RNF157: variants seen among roughly 807,000 people sequenced by gnomAD.
RNF157 encodes the protein ring finger protein 157, also known as E3 ubiquitin ligase RNF157.
Under a neutral mutation model 88.3 loss-of-function variants are expected in RNF157, and 55 were observed. The ratio of observed to expected loss-of-function variants is 0.62; its 90% CI spans 0.50 to 0.78. RNF157 has a LOEUF of 0.78. Ranked by LOEUF, RNF157 falls within the 30% of genes least tolerant of loss-of-function variation. The pLI, the probability that RNF157 is intolerant of heterozygous loss-of-function variation, is 0.00. For synonymous variants in RNF157, 334 were observed against 341.2 expected, an observed-to-expected ratio of 0.98 and a Z score of 0.23; for missense variants, 788 against 860.8, an observed-to-expected ratio of 0.92 and a Z score of 1.06.
intron 1 of RNF157, among the ~76,000 whole-genome samples, chr17:76,213,740 C>A (rs934744859): frequency 1.3e-5 from 2 of 152,026 alleles, no homozygotes; most frequent in East Asian, 1.9e-4. Context: ...TCAGCCCATC[C>A]CCCAACCACT....
At position 76,160,323 on chromosome 17, in the gene RNF157, G is replaced by T. The variant is rs1185877063; in HGVS notation, c.1066-750C>A. Among the ~76,000 whole-genome samples the T allele has an allele frequency of 6.6e-6, 1 of 151,222 alleles. No individual in the cohort carries two copies. The highest frequency in any genetic ancestry group is 6.6e-5 in the Admixed American group (1 of 15,170). On this transcript the variant is annotated intron_variant, in intron 11 of 18. Coordinates refer to ENST00000269391, the MANE Select transcript of RNF157 (RefSeq NM_052916.3). This position sits in a 1 kb window ranked among gnomAD's most constrained non-coding sequence, Gnocchi z 4.3. ...GTTATTAAATTATTAGCTCTTAGAT[G>T]ATGAGGTATAAATGTTTTTAAGGCC...
At chr17:76,158,614 G>C (rs1045615287) in intron 12 of RNF157, 113 bp from the exon 13 acceptor site, 4 of 700,006 alleles carry the variant, frequency 5.7e-6, no homozygotes, top group South Asian at 3.1e-5. Context: ...TTTATTTTTT[G>C]AGACAGCATC....
intron 2 of RNF157, among the ~76,000 whole-genome samples, chr17:76,193,821 C>T (rs967555279): frequency 3.9e-5 from 6 of 152,160 alleles, no homozygotes; most frequent in African/African-American, 1.4e-4. Context: ...GTGAGGCTGC[C>T]GCACCCATAG....
rs546876992 is a variant in RNF157 at position 76,232,943 on chromosome 17, C to T, written c.88+7210G>A. Among the ~76,000 whole-genome samples, 10 of 149,456 alleles carry T rather than the reference C, an allele frequency of 6.7e-5. No individual in the cohort carries two copies. In the East Asian group the frequency reaches 1.4e-3, roughly 21 times the overall value. On this transcript the variant is annotated intron_variant, in intron 1 of 18. Transcript: ENST00000269391. Reference sequence around the variant, plus strand: ...TCTCGCATATTTTTTTTTTTTGAGACACAGTCTTGCTCTGTCACCCAGGAT... The same window carrying T: ...TCTCGCATATTTTTTTTTTTTGAGATACAGTCTTGCTCTGTCACCCAGGAT...
At chr17:76,154,005 C>T (rs1241600571) in intron 17 of RNF157, 5 of 385,462 alleles carry the variant, frequency 1.3e-5, no homozygotes, top group African/African-American at 4.2e-5. Flanking sequence ...AGAGAGCTTC[C>T]GAATCTACTT....
rs142763564 is a variant in RNF157 at position 76,168,193 on chromosome 17, T to A, written c.297-396A>T. Among the ~76,000 whole-genome samples the A allele has an allele frequency of 2.8e-3, 429 of 152,262 alleles. 4 individuals are homozygous for A. The highest frequency in any genetic ancestry group is 9.8e-3 in the African/African-American group (407 of 41,544). On this transcript the variant is annotated intron_variant, in intron 3 of 18. Coordinates refer to ENST00000269391, the MANE Select transcript of RNF157 (RefSeq NM_052916.3). ...TAAAAAATATACTTGGGTTACTACT[T>A]CTTGATTTTTCAGTTTCAGGCGCTA...
intron 1 of RNF157, among the ~76,000 whole-genome samples, chr17:76,220,698 G>T (rs377485146): frequency 6.6e-6 from 1 of 151,628 alleles, no homozygotes; most frequent in Admixed American, 6.6e-5. Context: ...AGTGGCTCAC[G>T]CCTGTAATCC....
At chr17:76,198,067 T>C (rs1051094894) in intron 2 of RNF157, among the ~76,000 whole-genome samples, 2 of 152,190 alleles carry the variant, frequency 1.3e-5, no homozygotes, top group Admixed American at 1.3e-4. Flanking sequence ...TGCCCCCACC[T>C]TCCTTTCTGG....
chr17:76,149,627 G>A (rs978737118), intron 18 of RNF157, among the ~76,000 whole-genome samples: 1 of 152,180 alleles, frequency 6.6e-6, no homozygotes, highest in Non-Finnish European at 1.5e-5. Context: ...GCTAACAGTG[G>A]AAGCAGAGAC....
chr17:76,197,032 C>T (rs1012753055), intron 2 of RNF157, among the ~76,000 whole-genome samples: 4 of 152,214 alleles, frequency 2.6e-5, no homozygotes, highest in Admixed American at 2.0e-4. Flanking sequence ...CCATCTCAGG[C>T]TTTGCTCCCA....
At chr17:76,224,830 A>G (rs4789255) in intron 1 of RNF157, among the ~76,000 whole-genome samples, 73,873 of 152,074 alleles carry the variant, frequency 0.49, 18,593 homozygotes, top group African/African-American at 0.61. Context: ...AGCCCAGCCC[A>G]TGGGGCGTGG....
In RNF157 at chr17:76,165,297, A is replaced by T. The variant is rs374258079; in HGVS notation, c.672+205T>A. On this transcript the variant is annotated intron_variant, in intron 7 of 18. Coordinates refer to ENST00000269391, the MANE Select transcript of RNF157 (RefSeq NM_052916.3). The stretch of plus-strand genomic sequence containing the variant: ...TAGCCTTTCTTTCTTTTATTTATTT[A>T]TTTTTTTTGAGACAGAGCCTCACTC... Among the ~76,000 whole-genome samples the T allele has an allele frequency of 2.0e-5, 3 of 151,792 alleles. No individual in the cohort carries two copies. In the East Asian group the frequency reaches 5.8e-4, roughly 29 times the overall value.
At chr17:76,229,220 A>G (rs1465719393) in intron 1 of RNF157, among the ~76,000 whole-genome samples, 5 of 152,184 alleles carry the variant, frequency 3.3e-5, no homozygotes, top group Non-Finnish European at 7.3e-5. Flanking sequence ...ACAGATGGAC[A>G]TATCTTAAGG....
In RNF157 at chr17:76,146,810, C is replaced by T. The variant is rs2598425; in HGVS notation, c.1922-1457G>A. The T allele has an allele frequency of 0.28, 271,080 of 985,124 alleles. 38,556 individuals are homozygous for T. The highest frequency in any genetic ancestry group is 0.44 in the African/African-American group (25,144 of 57,282). The allele number at this position is 985,124 out of a possible 1,614,324, so 61.0% of individuals were successfully genotyped here. On this transcript the variant is annotated intron_variant, in intron 18 of 18. Transcript: ENST00000269391. The surrounding 1 kb of genome is among the most constrained non-coding windows in gnomAD (Gnocchi z 4.2). ...CTGACCCATAGGAGGACCTGTTCAG[C>T]GGACAAGGCCGACCAACTGTAGAGT... is the stretch of plus-strand genomic sequence containing the variant.
chr17:76,169,584 T>TC (rs1568035755), intron 3 of RNF157, among the ~76,000 whole-genome samples: 2 of 150,790 alleles, frequency 1.3e-5, no homozygotes, highest in East Asian at 3.9e-4. Flanking sequence ...GTTAGGTTTT[T>TC]TTTTTTTTTT....
intron 18 of RNF157, chr17:76,147,429 G>A: frequency 1.3e-6 from 1 of 760,654 alleles, no homozygotes; most frequent in Non-Finnish European, 1.6e-6. Flanking sequence ...GCAAGCCATG[G>A]AATGCTGGGC....
chr17:76,187,054 CCAAA>C (rs2144929826), intron 2 of RNF157, among the ~76,000 whole-genome samples: 1 of 151,934 alleles, frequency 6.6e-6, no homozygotes, highest in African/African-American at 2.4e-5. Flanking sequence ...AGTTTATAAG[CCAAA>C]CAAACATGGA....
intron 2 of RNF157, among the ~76,000 whole-genome samples, chr17:76,181,498 C>A (rs1483445261): frequency 1.3e-5 from 2 of 152,200 alleles, no homozygotes; most frequent in Non-Finnish European, 2.9e-5. Context: ...TCAGAGAACA[C>A]TGCCAGCAGC....
At chr17:76,205,362 G>GGCCTCAAGTGATCCTCCC (rs2069663144) in intron 2 of RNF157, among the ~76,000 whole-genome samples, 1 of 151,858 alleles carries the variant, frequency 6.6e-6, no homozygotes, top group South Asian at 2.1e-4. Flanking sequence ...TCAAACTTCT[G>GGCCTCAAGTGATCCTCCC]GCCTCAAGTG....
Sources: gnomAD v4.1 joint callset for allele counts (sites outside exome capture counted in the v4.1 genomes callset) on GRCh38, gnomAD v4.1.1 for gene constraint, Gnocchi (gnomAD v3.1) non-coding constraint, MANE v1.5 for transcripts, NCBI Gene and HGNC (gene_info 2026-07-23, HGNC 2026-07-21) for gene names.